Variants in PCNX1 observed in about 807,000 individuals in gnomAD.
PCNX1 encodes the protein pecanex-like protein 1.
In PCNX1, 78 loss-of-function variants were observed where a neutral mutation model predicts 242.2. The observed-to-expected ratio is 0.32, with a 90% CI of 0.27 to 0.39. PCNX1 has a LOEUF of 0.39. Ranked by LOEUF, PCNX1 falls within the 10% of genes least tolerant of loss-of-function variation. The pLI is 1.00. For synonymous variants in PCNX1, 1,024 were observed against 1,032.9 expected, an observed-to-expected ratio of 0.99 and a Z score of 0.17; for missense variants, 2,581 against 2,856.5, an observed-to-expected ratio of 0.90 and a Z score of 2.20.
At chr14:71,014,833 T>G (rs1427515769) in intron 11 of PCNX1, among the ~76,000 whole-genome samples, 1 of 152,100 alleles carries the variant, frequency 6.6e-6, no homozygotes, top group East Asian at 1.9e-4. Flanking sequence ...TGGAGAACTT[T>G]CCAAATTTGA....
intron 1 of PCNX1, among the ~76,000 whole-genome samples, chr14:70,908,754 A>G (rs2139970034): frequency 6.6e-6 from 1 of 152,344 alleles, no homozygotes; most frequent in South Asian, 2.1e-4. Context: ...GCATTTCAGC[A>G]GATTTGTTTG....
intron 8 of PCNX1, among the ~76,000 whole-genome samples, chr14:71,004,440 T>C (rs984394448): frequency 1.3e-5 from 2 of 152,206 alleles, no homozygotes; most frequent in East Asian, 3.8e-4. Flanking sequence ...TCAGTTTTCA[T>C]AGGAGCATGA....
At chr14:71,049,719 C>G (rs1043099884) in intron 22 of PCNX1, among the ~76,000 whole-genome samples, 1 of 152,128 alleles carries the variant, frequency 6.6e-6, no homozygotes, top group Admixed American at 6.5e-5. Context: ...AAAAATACTG[C>G]AGTTCATCTA....
intron 8 of PCNX1, among the ~76,000 whole-genome samples, chr14:70,997,998 A>T (rs934188011): frequency 4.6e-5 from 7 of 152,228 alleles, no homozygotes; most frequent in Non-Finnish European, 1.0e-4. Context: ...TCTATTAAAA[A>T]TTTTTAACCA....
Position 71,033,988 on chromosome 14 carries a change from T to C in PCNX1, c.3726T>C (p.Pro1242=), listed in dbSNP as rs762545658. ...PKTEEKNPED[P]LSEVKDPLPE... ...CGGAAGAGAAAAATCCAGAAGACCC[T>C]CTATCTGAAGTAAAAGATCCACTGC... The change falls in exon 18 of 36, where the codon CCT becomes CCC. Residue 1242 remains proline, a synonymous_variant. Coordinates refer to ENST00000304743, the MANE Select transcript of PCNX1 (RefSeq NM_014982.3). The C allele has an allele frequency of 2.5e-6, 4 of 1,609,738 alleles. 1 individual carries two copies. In the South Asian group the frequency reaches 4.4e-5, roughly 18 times the overall value.
Position 71,019,068 on chromosome 14 carries a change from T to G in PCNX1, c.3056T>G (p.Leu1019Trp), listed in dbSNP as rs1446697277. Residue 1019 changes from leucine to tryptophan, a missense_variant, in exon 12 of 36, where the codon TTG becomes TGG. Leu to Trp is a moderately conservative substitution (Grantham distance 61). Around this residue, in one of 9 missense-constraint regions of PCNX1, gnomAD observed 55 missense variants for 49.8 expected, o/e 1.10. Transcript: ENST00000304743. ...AVILAILVAF[L>W]GSILLIQGFF... ...ATCCTGGCTATTCTCGTGGCCTTTT[T>G]GGGATCTATTCTTCTCATACAAGGA... The G allele has an allele frequency of 6.2e-7, 1 of 1,613,444 alleles. No homozygotes were observed. Among genetic ancestry groups the G allele is most frequent in the Admixed American group, 1.7e-5 (1 of 59,942 alleles).
rs533059580 is a variant in PCNX1, at chr14:70,948,615, GTATA to G, written c.362+1497_362+1500del. Reference sequence around the variant, plus strand: ...TATAGATATGTGTATATATAGATGTGTATATATACACATATATAGTTGTGTATAT... The same window carrying G: ...TATAGATATGTGTATATATAGATGTGTATACACATATATAGTTGTGTATAT... On this transcript the variant is annotated intron_variant, in intron 2 of 35. Coordinates refer to ENST00000304743, the MANE Select transcript of PCNX1 (RefSeq NM_014982.3). 1.1e-4 allele frequency among the ~76,000 whole-genome samples: 16 copies of G among 150,120 alleles called. No individual in the cohort carries two copies. In the South Asian group the frequency reaches 3.2e-3, roughly 30 times the overall value.
chr14:70,975,212 TAAA>T (rs148549103), intron 5 of PCNX1, among the ~76,000 whole-genome samples: 1,775 of 152,304 alleles, frequency 0.012, 31 homozygotes, highest in African/African-American at 0.041. Context: ...TTATTAGAGA[TAAA>T]GAGTTTTTAG....
intron 12 of PCNX1, among the ~76,000 whole-genome samples, chr14:71,022,255 AT>A (rs1252990596): frequency 6.6e-6 from 1 of 152,152 alleles, no homozygotes; most frequent in Non-Finnish European, 1.5e-5. Flanking sequence ...AATCATTTAA[AT>A]TCATTTTGCG....
chr14:70,987,172 T>C (rs550790406), intron 6 of PCNX1, among the ~76,000 whole-genome samples: 4 of 152,298 alleles, frequency 2.6e-5, no homozygotes, highest in South Asian at 4.1e-4. Flanking sequence ...TGGCAAAGTA[T>C]GTAATGTGCC....
At chr14:70,918,391 T>C (rs1434145222) in intron 1 of PCNX1, among the ~76,000 whole-genome samples, 1 of 152,220 alleles carries the variant, frequency 6.6e-6, no homozygotes, top group Admixed American at 6.5e-5. Flanking sequence ...TGGGCAAGGT[T>C]GATGGTACTC....
Position 70,983,148 on chromosome 14 carries a change from G to A in PCNX1, c.2311+4500G>A, listed in dbSNP as rs375755359. Among the ~76,000 whole-genome samples the A allele has an allele frequency of 3.7e-3, 568 of 152,172 alleles. 1 individual carries two copies. Among genetic ancestry groups the A allele is most frequent in the African/African-American group, 0.013 (536 of 41,518 alleles). ...AAGTGGATGCAAAATTGTATCTAAC[G>A]GGTTGATATCTTTCATCCCATTCAC... On this transcript the variant is annotated intron_variant, in intron 6 of 35. Coordinates refer to ENST00000304743, the MANE Select transcript of PCNX1 (RefSeq NM_014982.3).
intron 1 of PCNX1, among the ~76,000 whole-genome samples, chr14:70,909,780 G>C (rs1174169483): frequency 1.3e-5 from 2 of 152,056 alleles, no homozygotes; most frequent in African/African-American, 4.8e-5. Flanking sequence ...GACACTTTCT[G>C]AGATTGCTTC....
At chr14:70,968,120 A>T (rs2058436017) in intron 3 of PCNX1, 78 bp from the exon 4 acceptor site, 1 of 962,890 alleles carries the variant, frequency 1.0e-6, no homozygotes, top group South Asian at 1.4e-5. Context: ...ATTTTGTTTG[A>T]TAATCTTGCT....
intron 30 of PCNX1, among the ~76,000 whole-genome samples, chr14:71,099,246 C>T (rs1322229223): frequency 2.7e-5 from 4 of 150,194 alleles, no homozygotes; most frequent in Admixed American, 6.7e-5. Context: ...GCAAGCTTGG[C>T]CTCCTGGTTT....
chr14:70,925,843 A>G (rs944638248), intron 1 of PCNX1, among the ~76,000 whole-genome samples: 1 of 152,072 alleles, frequency 6.6e-6, no homozygotes, highest in Non-Finnish European at 1.5e-5. Context: ...TCACTGGCTC[A>G]TGTTTACATA....
chr14:70,928,127 G>A (rs1208412623), intron 1 of PCNX1, among the ~76,000 whole-genome samples: 1 of 151,588 alleles, frequency 6.6e-6, no homozygotes, highest in Non-Finnish European at 1.5e-5. Context: ...TTATTATTTT[G>A]TGCTTGCTTA....
intron 1 of PCNX1, among the ~76,000 whole-genome samples, chr14:70,938,707 C>T (rs1223207637): frequency 6.6e-6 from 1 of 152,140 alleles, no homozygotes; most frequent in Non-Finnish European, 1.5e-5. Flanking sequence ...AGGAATGGTA[C>T]CAGTTCCTCC....
chr14:71,071,548 G>A lies in PCNX1; in HGVS notation c.4853-1997G>A, dbSNP rs542920977. Among the ~76,000 whole-genome samples, 40 of 152,018 alleles carry A rather than the reference G, an allele frequency of 2.6e-4. No homozygotes were observed. The South Asian group carries it at 6.9e-3, about 26-fold the overall frequency. On this transcript the variant is annotated intron_variant, in intron 26 of 35. Coordinates refer to ENST00000304743, the MANE Select transcript of PCNX1 (RefSeq NM_014982.3). ...ATCTGGTTGTTCAAAAGTGTATAGC[G>A]CCTCCCCCTTAACCCTATTCCTTCT...
Sources: gnomAD v4.1 joint callset for allele counts (sites outside exome capture counted in the v4.1 genomes callset) on GRCh38, gnomAD v4.1.1 for gene constraint, gnomAD v4.1.1 regional missense constraint, MANE v1.5 for transcripts, NCBI Gene and HGNC (gene_info 2026-07-23, HGNC 2026-07-21) for gene names.